The following NAALADL2 variants were observed in gnomAD, a reference collection of about 807,000 sequenced individuals.
The protein encoded by NAALADL2 is N-acetylated alpha-linked acidic dipeptidase like 2, also known as inactive N-acetylated-alpha-linked acidic dipeptidase-like protein 2.
A neutral mutation model predicts 87.2 loss-of-function variants in NAALADL2; 76 were observed. The observed-to-expected ratio is 0.87, with a 90% CI of 0.72 to 1.05. The LOEUF (loss-of-function observed/expected upper bound fraction) is 1.05. Ranked by LOEUF, NAALADL2 falls within the 50% of genes least tolerant of loss-of-function variation. The pLI is 0.00. For missense variants in NAALADL2, 1,089 were observed against 945.8 expected (o/e 1.15, Z -1.99); for synonymous variants, 354 against 331.0 (o/e 1.07, Z -0.75).
At chr3:174,669,769 C>CA (rs1175514337) in intron 2 of NAALADL2, among the ~76,000 whole-genome samples, 1 of 151,490 alleles carries the variant, frequency 6.6e-6, no homozygotes, top group Non-Finnish European at 1.5e-5. Flanking sequence ...TCTATTTTTG[C>CA]AAAAAATGCC....
At chr3:174,938,323 A>G (rs951518315) in intron 1 of NAALADL2, among the ~76,000 whole-genome samples, 18 of 152,188 alleles carry the variant, frequency 1.2e-4, no homozygotes, top group Admixed American at 1.0e-3. Context: ...AATAGCCTCC[A>G]GCTCTATCCA....
intron 2 of NAALADL2, among the ~76,000 whole-genome samples, chr3:174,718,612 C>G (rs1160835187): frequency 6.6e-6 from 1 of 152,122 alleles, no homozygotes; most frequent in Non-Finnish European, 1.5e-5. Flanking sequence ...ATTGTTCTCT[C>G]TACTTAACAA....
chr3:174,577,790 A>G (rs1239968644), intron 2 of NAALADL2, among the ~76,000 whole-genome samples: 1 of 152,088 alleles, frequency 6.6e-6, no homozygotes, highest in Non-Finnish European at 1.5e-5. Context: ...TAAGAAAAAA[A>G]GGTCAGCATA....
chr3:175,447,673 T>A (rs777016939), intron 6 of NAALADL2, among the ~76,000 whole-genome samples: 7 of 152,204 alleles, frequency 4.6e-5, no homozygotes, highest in Non-Finnish European at 7.3e-5. Flanking sequence ...TAACATAGCT[T>A]CCCGGTTTCA....
chr3:175,324,238 C>T lies in NAALADL2; in HGVS notation c.1003C>T (p.Pro335Ser). 6.2e-7 allele frequency: 1 copy of T among 1,613,536 alleles called. No individual in the cohort carries two copies. Among genetic ancestry groups the T allele is most frequent in the Middle Eastern group, 1.6e-4 (1 of 6,062 alleles). Residue 335 changes from proline to serine, a missense_variant, in exon 5 of 14, where the codon CCA becomes TCA. Physicochemically the swap from Pro to Ser is moderately conservative, Grantham distance 74 (BLOSUM62 -1). Transcript: ENST00000454872. ...VLLYIDPCDL[P>S]KTVNPSHDTF... The stretch of plus-strand genomic sequence containing the variant: ...TCTGTATATCGATCCTTGTGATTTG[C>T]CAAAGACTGTGAATCCTAGCCATGA...
At chr3:174,510,172 T>C (rs1052665522) in intron 1 of NAALADL2, among the ~76,000 whole-genome samples, 1 of 152,324 alleles carries the variant, frequency 6.6e-6, no homozygotes, top group Admixed American at 6.5e-5. Flanking sequence ...TCTGTGATCA[T>C]AAGAGATACT....
At chr3:174,832,524 C>T (rs561913714) in intron 3 of NAALADL2, among the ~76,000 whole-genome samples, 137 of 152,100 alleles carry the variant, frequency 9.0e-4, no homozygotes, top group African/African-American at 3.2e-3. Flanking sequence ...TGCAGTGGCT[C>T]GATCTCAGCT....
chr3:174,552,795 C>CAAAAAAAAA (rs1164243901), intron 2 of NAALADL2, among the ~76,000 whole-genome samples: 2 of 55,996 alleles, frequency 3.6e-5, no homozygotes, highest in African/African-American at 1.1e-4. Flanking sequence ...GACCCTGCCT[C>CAAAAAAAAA]AAAAAAAAAA....
At chr3:174,599,540 C>A (rs910605119) in intron 2 of NAALADL2, among the ~76,000 whole-genome samples, 3 of 152,038 alleles carry the variant, frequency 2.0e-5, no homozygotes, top group Non-Finnish European at 4.4e-5. Flanking sequence ...TGTCAAAGTA[C>A]ATTTAAGAGG....
chr3:175,095,813 T>A (rs1345600551), intron 1 of NAALADL2, among the ~76,000 whole-genome samples: 1 of 152,144 alleles, frequency 6.6e-6, no homozygotes, highest in East Asian at 1.9e-4. Context: ...AAGATCCAGC[T>A]GGGGTGACAA....
intron 2 of NAALADL2, among the ~76,000 whole-genome samples, chr3:174,723,755 CAAAAAAA>C (rs10663395): frequency 1.7e-3 from 48 of 27,544 alleles, no homozygotes; most frequent in Middle Eastern, 0.031. Flanking sequence ...GACTCCGTCT[CAAAAAAA>C]AAAAAAAAAA....
At chr3:175,753,479 T>A (rs1033468539) in intron 12 of NAALADL2, among the ~76,000 whole-genome samples, 1 of 152,170 alleles carries the variant, frequency 6.6e-6, no homozygotes, top group Non-Finnish European at 1.5e-5. Context: ...ACTAAAGACA[T>A]TGACATGTAA....
chr3:175,369,701 A>C (rs1766206460), intron 5 of NAALADL2: 1 of 152,234 alleles, frequency 6.6e-6, no homozygotes, highest in African/African-American at 2.4e-5. Context: ...GTACAATGAA[A>C]ATATTTTGCC....
intron 1 of NAALADL2, among the ~76,000 whole-genome samples, chr3:175,038,949 G>A (rs1477214396): frequency 1.3e-5 from 2 of 151,968 alleles, no homozygotes; most frequent in Admixed American, 6.6e-5. Context: ...TAAAGGTGAC[G>A]GAAAAATGCT....
At chr3:175,185,410 C>T (rs1227434873) in intron 2 of NAALADL2, among the ~76,000 whole-genome samples, 1 of 151,598 alleles carries the variant, frequency 6.6e-6, no homozygotes, top group Non-Finnish European at 1.5e-5. Flanking sequence ...GTAGTATATC[C>T]ACACAATGAT....
chr3:174,625,889 G>T (rs1250240311), intron 2 of NAALADL2, among the ~76,000 whole-genome samples: 1 of 151,850 alleles, frequency 6.6e-6, no homozygotes, highest in Non-Finnish European at 1.5e-5. Context: ...AATACTGGAG[G>T]ACTACTATTC....
intron 2 of NAALADL2, among the ~76,000 whole-genome samples, chr3:174,677,304 G>T (rs910001618): frequency 6.6e-6 from 1 of 151,488 alleles, no homozygotes; most frequent in Non-Finnish European, 1.5e-5. Context: ...CCTGGGACTT[G>T]TTTTTTTCAC....
intron 1 of NAALADL2, among the ~76,000 whole-genome samples, chr3:174,939,187 T>C (rs150971961): frequency 1.3e-5 from 2 of 152,128 alleles, no homozygotes; most frequent in African/African-American, 4.8e-5. Context: ...TTTTTGTATA[T>C]GGTGTAAGAT....
intron 3 of NAALADL2, among the ~76,000 whole-genome samples, chr3:174,767,869 T>C (rs889197163): frequency 6.6e-6 from 1 of 152,232 alleles, no homozygotes; most frequent in African/African-American, 2.4e-5. Flanking sequence ...AAGAGAGTTG[T>C]TCCATTGAAT....
Sources: allele counts gnomAD v4.1 joint callset (sites outside exome capture counted in the v4.1 genomes callset), GRCh38; gene constraint gnomAD v4.1.1; transcripts MANE v1.5; gene names NCBI Gene and HGNC (gene_info 2026-07-23, HGNC 2026-07-21).